RASD2: variants seen among roughly 807,000 people sequenced by gnomAD.
RASD2 encodes the protein RASD family member 2, also known as GTP-binding protein Rhes.
RASD2 carries 7 observed loss-of-function variants against 15.8 expected under a neutral mutation model. That is an observed-to-expected ratio of 0.44 (90% CI 0.25 to 0.83). The LOEUF is 0.83. Ranked by LOEUF, RASD2 falls within the 40% of genes least tolerant of loss-of-function variation. The pLI is 0.20. For synonymous variants in RASD2, 155 were observed against 153.6 expected (o/e 1.01, Z -0.07); for missense variants, 274 against 382.8 (o/e 0.72, Z 2.37).
chr22:35,552,331 A>C lies in RASD2; in HGVS notation c.*299A>C. On this transcript the variant is annotated 3_prime_UTR_variant, in exon 3 of 3. Coordinates refer to ENST00000216127, the MANE Select transcript of RASD2 (RefSeq NM_014310.4). ...ACCTTCCTCTCCTGGGGTTGGAAGA[A>C]ATGTTGATGCCAGAGGGGTGAGGAT... 2.2e-6 allele frequency: 1 copy of C among 446,628 alleles called. No individual in the cohort carries two copies. The allele number at this position is 446,628 out of a possible 1,614,324, so 27.7% of individuals were successfully genotyped here.
At position 35,547,040 on chromosome 22, in the gene RASD2, C is replaced by T; in HGVS notation, c.231C>T (p.Asn77=). The T allele has an allele frequency of 6.2e-7, 1 of 1,614,090 alleles. No homozygotes were observed. Among genetic ancestry groups the T allele is most frequent in the African/African-American group, 1.3e-5 (1 of 75,058 alleles). The part of the protein sequence containing the change: ...YQLDILDTSG[N]HPFPAMRRLS... ...TCGACATCCTGGATACCTCTGGCAACCACCCCTTCCCCGCCATGCGCAGGC... is the reference window on the plus strand; with the variant it reads ...TCGACATCCTGGATACCTCTGGCAATCACCCCTTCCCCGCCATGCGCAGGC... The change falls in exon 2 of 3, where the codon AAC becomes AAT. Residue 77 remains asparagine, a synonymous_variant. Transcript: ENST00000216127.
the RASD2 span, among the ~76,000 whole-genome samples, chr22:35,533,996 G>A: frequency 1.3e-5 from 2 of 152,140 alleles, no homozygotes; most frequent in African/African-American, 4.8e-5. Flanking sequence ...TGATGAGGAT[G>A]ATGGTGATAG....
the RASD2 span, among the ~76,000 whole-genome samples, chr22:35,533,939 G>T: frequency 6.6e-6 from 1 of 152,094 alleles, no homozygotes; most frequent in African/African-American, 2.4e-5. Context: ...TGGTGATGAT[G>T]ATGGTGATGA....
chr22:35,543,296 A>G (rs567982534), intron 1 of RASD2, among the ~76,000 whole-genome samples: 1 of 152,302 alleles, frequency 6.6e-6, no homozygotes, highest in South Asian at 2.1e-4. Context: ...ATGTGCATTC[A>G]GATACCTGTG....
rs1234776508 is a variant in RASD2, at chr22:35,553,215, A to G, written c.*1183A>G. The G allele has an allele frequency of 6.6e-6, 1 of 152,088 alleles. No individual in the cohort carries two copies. Among genetic ancestry groups the G allele is most frequent in the Non-Finnish European group, 1.5e-5 (1 of 68,020 alleles). 9.4% of individuals were successfully genotyped at this position (152,088 alleles called of 1,614,324 possible). ...GGCCTCTGCCCGCCCCTGCTGCCCC[A>G]CCACCTTCTGCACACACAGCGGTGG... On this transcript the variant is annotated 3_prime_UTR_variant, in exon 3 of 3. Coordinates refer to ENST00000216127, the MANE Select transcript of RASD2 (RefSeq NM_014310.4).
chr22:35,536,093 C>T (rs866132300), upstream of RASD2, among the ~76,000 whole-genome samples: 52 of 152,330 alleles, frequency 3.4e-4, no homozygotes, highest in South Asian at 1.5e-3. Context: ...CAGCCTGTTC[C>T]GGCTATCTGC....
chr22:35,538,238 C>T (rs568901970), upstream of RASD2, among the ~76,000 whole-genome samples: 1 of 152,236 alleles, frequency 6.6e-6, no homozygotes, highest in South Asian at 2.1e-4. Flanking sequence ...TCCCAAAGTG[C>T]TGGGATTATA....
intron 1 of RASD2, among the ~76,000 whole-genome samples, chr22:35,543,394 C>G (rs1934403618): frequency 6.6e-6 from 1 of 152,162 alleles, no homozygotes; most frequent in Admixed American, 6.5e-5. Context: ...CCTGCCTCCT[C>G]TCTCTGACTT....
rs769429222 is a variant in RASD2 at position 35,551,938 on chromosome 22, G to C, written c.707G>C (p.Arg236Pro). The C allele has an allele frequency of 1.2e-6, 2 of 1,607,462 alleles. No individual in the cohort carries two copies. The highest frequency in any genetic ancestry group is 1.7e-5 in the Admixed American group (1 of 59,996). The change falls in exon 3 of 3, where the codon CGC becomes CCC. Residue 236 changes from arginine to proline, a missense_variant. Arg to Pro is a moderately radical substitution (Grantham distance 103). Coordinates refer to ENST00000216127, the MANE Select transcript of RASD2 (RefSeq NM_014310.4). This position sits in a 1 kb window ranked among gnomAD's most constrained non-coding sequence, Gnocchi z 4.9. ...TATGGCATGGTCTCGCCCTTCGCCC[G>C]CCGCCCCAGCGTCAACAGTGACCTC... ...DAYGMVSPFA[R>P]RPSVNSDLKY...
chr22:35,536,518 G>T (rs142992941), upstream of RASD2, among the ~76,000 whole-genome samples: 449 of 152,218 alleles, frequency 2.9e-3, no homozygotes, highest in African/African-American at 0.01. Flanking sequence ...GTAGAGACAG[G>T]GTTTCACCCC....
At chr22:35,546,153 C>G (rs528185858) in intron 1 of RASD2, among the ~76,000 whole-genome samples, 1 of 152,084 alleles carries the variant, frequency 6.6e-6, no homozygotes, top group Non-Finnish European at 1.5e-5. Context: ...CCGCCAGATG[C>G]AGAGCACAGG....
chr22:35,552,060 C>G lies in RASD2; in HGVS notation c.*28C>G, dbSNP rs747483427. On this transcript the variant is annotated 3_prime_UTR_variant, in exon 3 of 3. Transcript: ENST00000216127. ...GAGGGATGCTGGGGCGGGGCTTGGC[C>G]AGTGCCTTCAGGGAGGTGGCCCCAG... The G allele has an allele frequency of 2.0e-5, 32 of 1,577,124 alleles. No individual in the cohort carries two copies. Among genetic ancestry groups the G allele is most frequent in the Non-Finnish European group, 2.6e-5 (30 of 1,165,578 alleles).
At chr22:35,548,147 T>G (rs1345673032) in intron 2 of RASD2, among the ~76,000 whole-genome samples, 1 of 152,184 alleles carries the variant, frequency 6.6e-6, no homozygotes, top group Non-Finnish European at 1.5e-5. Context: ...GCTGAGGGGC[T>G]GTGCCCTTGT....
upstream of RASD2, among the ~76,000 whole-genome samples, chr22:35,540,501 G>C (rs1934316913): frequency 6.6e-6 from 1 of 150,646 alleles, no homozygotes; most frequent in African/African-American, 2.4e-5. Flanking sequence ...GGCAGACGCT[G>C]GCGCTGGGCG....
At chr22:35,544,231 C>G (rs1207568791) in intron 1 of RASD2, among the ~76,000 whole-genome samples, 1 of 152,212 alleles carries the variant, frequency 6.6e-6, no homozygotes, top group Non-Finnish European at 1.5e-5. Flanking sequence ...TGCAGAAGGA[C>G]TTGGGGAGGG....
chr22:35,541,832 G>T (rs1934355970), intron 1 of RASD2, among the ~76,000 whole-genome samples: 1 of 152,310 alleles, frequency 6.6e-6, no homozygotes, highest in East Asian at 1.9e-4. Context: ...CATTTAAATA[G>T]GAGGAAACGG....
chr22:35,543,634 C>G (rs747089895), intron 1 of RASD2, among the ~76,000 whole-genome samples: 1 of 152,220 alleles, frequency 6.6e-6, no homozygotes, highest in Non-Finnish European at 1.5e-5. Context: ...GGCACTGTCC[C>G]CTGGCGTCCA....
intron 2 of RASD2, among the ~76,000 whole-genome samples, chr22:35,550,440 C>CAAA (rs397838574): frequency 1.7e-3 from 108 of 63,878 alleles, no homozygotes; most frequent in Non-Finnish European, 2.0e-3. Flanking sequence ...GACTCCATCT[C>CAAA]AAAAAAAAAA....
rs373015554 is a variant in RASD2 at position 35,551,699 on chromosome 22, C to A, written c.468C>A (p.Ala156=). 8.1e-6 allele frequency: 13 copies of A among 1,613,708 alleles called. No individual in the cohort carries two copies. Among genetic ancestry groups the A allele is most frequent in the Middle Eastern group, 3.3e-4 (2 of 6,084 alleles). The change falls in exon 3 of 3, where the codon GCC becomes GCA. Residue 156 remains alanine, a synonymous_variant. Coordinates refer to ENST00000216127, the MANE Select transcript of RASD2 (RefSeq NM_014310.4). This position sits in a 1 kb window ranked among gnomAD's most constrained non-coding sequence, Gnocchi z 4.9. ...ELCRQVPTTE[A]ELLVSGDENC... ...GCCGCCAGGTGCCCACCACCGAGGCCGAGCTGCTGGTGTCGGGCGACGAGA... is the reference window on the plus strand; with the variant it reads ...GCCGCCAGGTGCCCACCACCGAGGCAGAGCTGCTGGTGTCGGGCGACGAGA...
Sources: allele counts gnomAD v4.1 joint callset (sites outside exome capture counted in the v4.1 genomes callset), GRCh38; gene constraint gnomAD v4.1.1; non-coding constraint Gnocchi (gnomAD v3.1); transcripts MANE v1.5; gene names NCBI Gene and HGNC (gene_info 2026-07-23, HGNC 2026-07-21).